Variants in ARMCX4 observed in about 807,000 individuals in gnomAD.
ARMCX4 encodes the protein armadillo repeat-containing X-linked protein 4.
In ARMCX4, 3 loss-of-function variants were observed where a neutral mutation model predicts 34.7. The ratio of observed to expected loss-of-function variants is 0.09; its 90% CI spans 0.04 to 0.22. ARMCX4 has a LOEUF of 0.22. Among genes scored for constraint, ARMCX4 ranks in the 10% least tolerant of loss-of-function variants. The pLI, the probability that ARMCX4 is intolerant of heterozygous loss-of-function variation, is 1.00. For missense variants in ARMCX4, 1,448 were observed against 1,720.8 expected, an observed-to-expected ratio of 0.84 and a Z score of 2.81; for synonymous variants, 513 against 632.8, an observed-to-expected ratio of 0.81 and a Z score of 2.84.
chrX:101,427,504 C>T (rs782148900), intron 2 of ARMCX4, among the ~76,000 whole-genome samples: 19 of 110,511 alleles, frequency 1.7e-4, no homozygotes, highest in African/African-American at 5.3e-4. Flanking sequence ...CAGCCTCCCA[C>T]GTAGCTGGGA....
At chrX:101,464,826 A>G (rs1423087946) in intron 4 of ARMCX4, among the ~76,000 whole-genome samples, 1 of 111,964 alleles carries the variant, frequency 8.9e-6, no homozygotes, top group Non-Finnish European at 1.9e-5. Flanking sequence ...TGTATGACCA[A>G]CATCACTTGG....
chrX:101,439,098 G>A (rs1174327475), intron 2 of ARMCX4, among the ~76,000 whole-genome samples: 3 of 112,157 alleles, frequency 2.7e-5, no homozygotes, highest in African/African-American at 9.7e-5. Context: ...TGTTTTTGCA[G>A]TGGCTGGTAC....
chrX:101,436,628 C>T (rs1930795092), intron 2 of ARMCX4, among the ~76,000 whole-genome samples: 1 of 111,306 alleles, frequency 9.0e-6, no homozygotes, highest in Admixed American at 9.6e-5. Flanking sequence ...TAATTGAATA[C>T]CCTTTATTTC....
At chrX:101,433,235 CAT>C (rs782666899) in intron 2 of ARMCX4, among the ~76,000 whole-genome samples, 2 of 27,973 alleles carry the variant, frequency 7.1e-5, no homozygotes, top group Non-Finnish European at 2.3e-4. Flanking sequence ...TATATGTACA[CAT>C]ATGTATATAT....
At chrX:101,504,058 T>A (rs1403683309) in intron 7 of ARMCX4, among the ~76,000 whole-genome samples, 8 of 112,158 alleles carry the variant, frequency 7.1e-5, no homozygotes, top group Non-Finnish European at 1.3e-4. Flanking sequence ...TTTCCCCATT[T>A]CTTGTTTTTG....
chrX:101,480,032 G>A lies in ARMCX4; in HGVS notation c.-472-5991G>A, dbSNP rs141025600. On this transcript the variant is annotated intron_variant and NMD_transcript_variant, in intron 4 of 15. Coordinates refer to the ARMCX4 transcript ENST00000433011. ...AAGTCAATCGATGAAACAGATCTGA[G>A]TATAAATGAGAATTTAACATATGGT... Among the ~76,000 whole-genome samples, 613 of 108,466 alleles carry A rather than the reference G, an allele frequency of 5.7e-3. 9 individuals carry two copies. Among genetic ancestry groups the A allele is most frequent in the African/African-American group, 0.019 (560 of 29,792 alleles). 94.2% of individuals were successfully genotyped at this position (108,466 alleles called of 115,157 possible).
At chrX:101,444,502 C>T (rs1253961609) in intron 3 of ARMCX4, among the ~76,000 whole-genome samples, 1 of 112,371 alleles carries the variant, frequency 8.9e-6, no homozygotes, top group Non-Finnish European at 1.9e-5. Context: ...TCCCCCTACC[C>T]TTGATATCTC....
downstream of ARMCX4, among the ~76,000 whole-genome samples, chrX:101,446,797 T>C (rs782754752): frequency 9.0e-6 from 1 of 110,516 alleles, no homozygotes; most frequent in East Asian, 2.8e-4. Context: ...CTACTAAAAC[T>C]ACAAAAATTA....
chrX:101,535,127 TG>T (rs1935198227), downstream of ARMCX4, among the ~76,000 whole-genome samples: 1 of 111,215 alleles, frequency 9.0e-6, no homozygotes, highest in South Asian at 3.8e-4. Flanking sequence ...GGGGGGCTGG[TG>T]GGAAGGTAGA....
chrX:101,527,297 A>G lies in ARMCX4; in HGVS notation c.*1781-4347A>G, dbSNP rs781925063. On this transcript the variant is annotated intron_variant and NMD_transcript_variant, in intron 11 of 12. Transcript: ENST00000354842. ...CTTTGAAACCAATGAGAACAAAGACACAACATACCAGAATCTCTGGGACGC... is the reference window on the plus strand; with the variant it reads ...CTTTGAAACCAATGAGAACAAAGACGCAACATACCAGAATCTCTGGGACGC... Among the ~76,000 whole-genome samples, 6 of 112,094 alleles carry G rather than the reference A, an allele frequency of 5.4e-5. No homozygotes were observed. The East Asian group carries it at 1.7e-3, about 31-fold the overall frequency.
At chrX:101,455,766 T>C (rs1418410212) in intron 4 of ARMCX4, among the ~76,000 whole-genome samples, 2 of 111,373 alleles carry the variant, frequency 1.8e-5, no homozygotes, top group Non-Finnish European at 3.8e-5. Context: ...ACCACCCAGA[T>C]TGTGAGCACA....
chrX:101,485,759 A>T (rs544703799), intron 1 of ARMCX4, among the ~76,000 whole-genome samples: 2 of 112,229 alleles, frequency 1.8e-5, no homozygotes, highest in South Asian at 7.4e-4. Flanking sequence ...AGAGATTGAG[A>T]TGCCCATCGC....
In ARMCX4 at chrX:101,491,096, C is replaced by T. The variant is rs1337048205; in HGVS notation, c.2507C>T (p.Ser836Phe). 3.5e-6 allele frequency: 4 copies of T among 1,154,958 alleles called. No individual in the cohort carries two copies. The African/African-American group carries it at 7.1e-5, about 21-fold the overall frequency. ...GCCCAGCCCCAGGCTGTGGCCAATTCCCAGGGTGAAGTCTTGCCTGGTGCC... is the reference window on the plus strand; with the variant it reads ...GCCCAGCCCCAGGCTGTGGCCAATTTCCAGGGTGAAGTCTTGCCTGGTGCC... ...GSAQPQAVAN[S>F]QGEVLPGAKN... is the part of the protein sequence containing the mutation. Residue 836 changes from serine (S) to phenylalanine (F), a missense_variant, in exon 6 of 6, where the codon TCC (serine) becomes TTC (phenylalanine). Ser to Phe is a radical substitution (Grantham distance 155, BLOSUM62 -2). Transcript: ENST00000423738.
At chrX:101,425,701 C>G (rs1283039135) in intron 2 of ARMCX4, among the ~76,000 whole-genome samples, 2 of 109,461 alleles carry the variant, frequency 1.8e-5, no homozygotes, top group African/African-American at 6.7e-5. Context: ...AGCCGGTAGG[C>G]AAGTAATGGA....
intron 11 of ARMCX4, among the ~76,000 whole-genome samples, chrX:101,528,779 C>A (rs143998358): frequency 2.9e-4 from 32 of 110,731 alleles, no homozygotes; most frequent in African/African-American, 9.8e-4. Flanking sequence ...CTTACAAGGG[C>A]TGTGAAGGAC....
At chrX:101,471,555 A>C (rs939255322) in intron 4 of ARMCX4, among the ~76,000 whole-genome samples, 4 of 112,049 alleles carry the variant, frequency 3.6e-5, no homozygotes, top group Non-Finnish European at 5.6e-5. Context: ...TTAAATGTCC[A>C]TGTCTGATAG....
chrX:101,458,780 C>T (rs1556000789), intron 4 of ARMCX4, among the ~76,000 whole-genome samples: 3 of 111,875 alleles, frequency 2.7e-5, no homozygotes, highest in African/African-American at 9.7e-5. Context: ...AGCCACTGTG[C>T]CCGGCTCAAT....
intron 2 of ARMCX4, among the ~76,000 whole-genome samples, chrX:101,429,332 C>CTTTTTTTTTTTTTTTTTTTTTT (rs151320609): frequency 1.6e-5 from 1 of 64,149 alleles, no homozygotes. Flanking sequence ...CCTAGATTGT[C>CTTTTTTTTTTTTTTTTTTTTTT]TTTTTTTTTT....
chrX:101,530,787 G>T (rs1935112850), intron 11 of ARMCX4, among the ~76,000 whole-genome samples: 1 of 112,292 alleles, frequency 8.9e-6, no homozygotes, highest in Admixed American at 9.4e-5. Context: ...TACCAGAAAT[G>T]TTAAAGGAAG....
Sources: gnomAD v4.1 joint callset for allele counts (sites outside exome capture counted in the v4.1 genomes callset) on GRCh38, gnomAD v4.1.1 for gene constraint, MANE v1.5 for transcripts, NCBI Gene and HGNC (gene_info 2026-07-23, HGNC 2026-07-21) for gene names.